The following CD86 variants were observed in gnomAD, a reference collection of about 807,000 sequenced individuals.
CD86 encodes the protein CD86 molecule, also known as T-lymphocyte activation antigen CD86.
A neutral mutation model predicts 32.1 loss-of-function variants in CD86; 11 were observed. The ratio of observed to expected loss-of-function variants is 0.34; its 90% CI spans 0.22 to 0.57. The LOEUF is 0.57. CD86 is among the 20% of genes least tolerant of loss of function. The pLI is 0.86. For missense variants in CD86, 359 were observed against 398.4 expected, an observed-to-expected ratio of 0.90 and a Z score of 0.84; for synonymous variants, 137 against 135.3, an observed-to-expected ratio of 1.01 and a Z score of -0.09.
chr3:122,070,948 T>C (rs76450316), intron 1 of CD86, among the ~76,000 whole-genome samples: 1 of 151,502 alleles, frequency 6.6e-6, no homozygotes, highest in Admixed American at 6.6e-5. Context: ...AGCATGTGTG[T>C]TTTTTTTTAA....
intron 1 of CD86, among the ~76,000 whole-genome samples, chr3:122,088,948 T>C (rs1481603411): frequency 6.6e-6 from 1 of 152,166 alleles, no homozygotes; most frequent in Non-Finnish European, 1.5e-5. Context: ...CAAAAATGAA[T>C]GGATAAACAA....
chr3:122,063,177 T>G (rs1194447786), intron 1 of CD86, among the ~76,000 whole-genome samples: 2 of 152,196 alleles, frequency 1.3e-5, no homozygotes. Context: ...TCAAATATTT[T>G]AAGTTTGCTT....
intron 1 of CD86, among the ~76,000 whole-genome samples, chr3:122,067,570 C>T (rs1006982860): frequency 6.6e-6 from 1 of 152,224 alleles, no homozygotes; most frequent in Admixed American, 6.5e-5. Flanking sequence ...AGGCCATCCA[C>T]AGTGAAAATG....
Position 122,091,666 on chromosome 3 carries a change from C to G in CD86, c.64+16C>G. 1 of 1,606,672 alleles carries G rather than the reference C, an allele frequency of 6.2e-7. No homozygotes were observed. Among genetic ancestry groups the G allele is most frequent in the South Asian group, 1.1e-5 (1 of 90,884 alleles). Reference sequence around the variant, plus strand: ...CTGCTCTCTGGTAAGAACCTTTCAGCTTTGTTAAGTCCTGGAATCCTACTG... The same window carrying G: ...CTGCTCTCTGGTAAGAACCTTTCAGGTTTGTTAAGTCCTGGAATCCTACTG... On this transcript the variant is annotated intron_variant, in intron 2 of 6. Coordinates refer to ENST00000330540, the MANE Select transcript of CD86 (RefSeq NM_175862.5).
chr3:122,119,968 A>C lies in CD86; in HGVS notation c.*434A>C. The stretch of plus-strand genomic sequence containing the variant: ...TTTTGTGTGTACCTGTGACTAAACA[A>C]CTACCTCCTCAGTCTGGGTGGGACT... On this transcript the variant is annotated 3_prime_UTR_variant, in exon 7 of 7. Transcript: ENST00000330540. The C allele has an allele frequency of 5.8e-6, 1 of 173,060 alleles. No individual in the cohort carries two copies. Among genetic ancestry groups the C allele is most frequent in the Non-Finnish European group, 1.2e-5 (1 of 83,372 alleles). The allele number at this position is 173,060 out of a possible 1,614,324, so 10.7% of individuals were successfully genotyped here. A position where few individuals can be genotyped will look rare whatever the true frequency, so the allele number is the denominator to read the frequency against.
At chr3:122,071,711 T>C (rs1363927793) in intron 1 of CD86, among the ~76,000 whole-genome samples, 2 of 150,482 alleles carry the variant, frequency 1.3e-5, no homozygotes, top group Admixed American at 6.6e-5. Flanking sequence ...GTTTTACCAT[T>C]TTGCATTCTT....
intron 5 of CD86, among the ~76,000 whole-genome samples, chr3:122,117,838 C>T (rs2073277737): frequency 6.6e-6 from 1 of 152,212 alleles, no homozygotes; most frequent in Non-Finnish European, 1.5e-5. Context: ...ATTTAAGGCA[C>T]AGTGAGAAAG....
At chr3:122,072,762 T>C (rs2072506094) in intron 1 of CD86, among the ~76,000 whole-genome samples, 1 of 152,206 alleles carries the variant, frequency 6.6e-6, no homozygotes, top group African/African-American at 2.4e-5. Context: ...ATTTTGGCTT[T>C]GGTTGCCATT....
intron 2 of CD86, among the ~76,000 whole-genome samples, chr3:122,097,114 A>G (rs75479699): frequency 0.03 from 4,597 of 152,288 alleles, 226 homozygotes; most frequent in African/African-American, 0.1. Context: ...ACTGGGTATT[A>G]CCAGTATTTT....
chr3:122,119,862 G>GTT lies in CD86; in HGVS notation c.*337_*338dup, dbSNP rs5852291. On this transcript the variant is annotated 3_prime_UTR_variant, in exon 7 of 7. Coordinates refer to ENST00000330540, the MANE Select transcript of CD86 (RefSeq NM_175862.5). ...TTCTTCTCTTAATTTCATAGATTGT[G>GTT]TTTTTTTTTTAAATAGACCTCTCAA... 2.3e-5 allele frequency: 4 copies of GTT among 176,844 alleles called. No individual in the cohort carries two copies. The highest frequency in any genetic ancestry group is 4.8e-5 in the African/African-American group (2 of 41,630). The allele number at this position is 176,844 out of a possible 1,614,324, so 11.0% of individuals were successfully genotyped here. A position where few individuals can be genotyped will look rare whatever the true frequency, so the allele number is the denominator to read the frequency against.
chr3:122,119,648 AG>A lies in CD86; in HGVS notation c.*119del, dbSNP rs771887394. On this transcript the variant is annotated 3_prime_UTR_variant, in exon 7 of 7. Transcript: ENST00000330540. Reference sequence around the variant, plus strand: ...CAAAAAGACATTACCATGAGTAATAAGGGGGCTCCAGGACTCCCTCTAAGTG... The same window carrying A: ...CAAAAAGACATTACCATGAGTAATAAGGGGCTCCAGGACTCCCTCTAAGTG... 3.0e-6 allele frequency: 2 copies of A among 657,712 alleles called. No individual in the cohort carries two copies. Among genetic ancestry groups the A allele is most frequent in the Non-Finnish European group, 5.4e-6 (2 of 368,570 alleles). The allele number at this position is 657,712 out of a possible 1,614,324, so 40.7% of individuals were successfully genotyped here. A position where few individuals can be genotyped will look rare whatever the true frequency, so the allele number is the denominator to read the frequency against.
At position 122,109,391 on chromosome 3, in the gene CD86, G is replaced by A. The variant is rs750874477; in HGVS notation, c.830G>A (p.Arg277His). The A allele has an allele frequency of 1.2e-5, 19 of 1,613,866 alleles. No individual in the cohort carries two copies. The highest frequency in any genetic ancestry group is 4.5e-5 in the East Asian group (2 of 44,886). ...AAATGGAAGAAGAAGAAGCGGCCTC[G>A]CAACTCTTATAAATGTGGTGAGTGA... ...LWKWKKKKRP[R>H]NSYKCGTNTM... Residue 277 changes from arginine (R) to histidine (H), a missense_variant, in exon 5 of 7, where the codon CGC (arginine) becomes CAC (histidine). Physicochemically the swap from Arg to His is conservative, Grantham distance 29 (BLOSUM62 0). Coordinates refer to ENST00000330540, the MANE Select transcript of CD86 (RefSeq NM_175862.5).
intron 4 of CD86, 109 bp from the exon 5 acceptor site, chr3:122,109,156 C>A (rs971629105): frequency 8.6e-7 from 1 of 1,156,608 alleles, no homozygotes; most frequent in African/African-American, 1.6e-5. Context: ...GCTTCTCTGG[C>A]CTTAGAGCCC....
intron 2 of CD86, 65 bp downstream of exon 2, chr3:122,091,715 C>A (rs937610131): frequency 7.6e-7 from 1 of 1,319,730 alleles, no homozygotes; most frequent in Admixed American, 1.7e-5. Flanking sequence ...CTGACCACAG[C>A]AAGCCCAGGC....
chr3:122,069,456 G>A (rs1475995901), intron 1 of CD86, among the ~76,000 whole-genome samples: 1 of 152,148 alleles, frequency 6.6e-6, no homozygotes. Context: ...CAGTTCCTAT[G>A]CAGCCCTGGC....
intron 1 of CD86, among the ~76,000 whole-genome samples, chr3:122,081,566 C>A (rs747951119): frequency 1.3e-5 from 2 of 152,174 alleles, no homozygotes; most frequent in Non-Finnish European, 2.9e-5. Context: ...ACGATAGCTA[C>A]CACGTTGAGT....
chr3:122,077,920 C>T (rs1054623580), intron 1 of CD86: 22 of 985,342 alleles, frequency 2.2e-5, no homozygotes, highest in Non-Finnish European at 2.5e-5. Flanking sequence ...TTAGGAGGTA[C>T]GGGGAGCTCG....
chr3:122,076,486 C>G (rs1161859411), intron 1 of CD86, among the ~76,000 whole-genome samples: 1 of 152,198 alleles, frequency 6.6e-6, no homozygotes, highest in Non-Finnish European at 1.5e-5. Context: ...CAGAGGAAAA[C>G]CCCAGGTGGG....
intron 2 of CD86, among the ~76,000 whole-genome samples, chr3:122,100,540 A>G (rs1398603884): frequency 1.3e-5 from 2 of 152,238 alleles, no homozygotes; most frequent in African/African-American, 4.8e-5. Flanking sequence ...GCATAGGAAC[A>G]TAAAGAAGAG....
Sources: allele counts gnomAD v4.1 joint callset (sites outside exome capture counted in the v4.1 genomes callset), GRCh38; gene constraint gnomAD v4.1.1; transcripts MANE v1.5; gene names NCBI Gene and HGNC (gene_info 2026-07-23, HGNC 2026-07-21).